Variants in VPS4B observed in about 807,000 individuals in gnomAD.
The protein encoded by VPS4B is vacuolar protein sorting 4 homolog B, also known as vacuolar protein sorting-associated protein 4B.
A neutral mutation model predicts 56.1 loss-of-function variants in VPS4B; 23 were observed. The ratio of observed to expected loss-of-function variants is 0.41; its 90% CI spans 0.30 to 0.58. The LOEUF is 0.58. Among genes scored for constraint, VPS4B ranks in the 20% least tolerant of loss-of-function variants. The pLI is 0.29. For synonymous variants in VPS4B, 177 were observed against 186.0 expected (o/e 0.95, Z 0.39); for missense variants, 372 against 531.9 (o/e 0.70, Z 2.96).
intron 2 of VPS4B, among the ~76,000 whole-genome samples, chr18:63,410,897 T>A (rs1916025973): frequency 1.3e-5 from 2 of 152,240 alleles, no homozygotes; most frequent in Admixed American, 1.3e-4. Context: ...ATATATTCTG[T>A]GTAATACCAA....
chr18:63,393,016 G>A (rs557768370), intron 10 of VPS4B, among the ~76,000 whole-genome samples: 34 of 152,270 alleles, frequency 2.2e-4, no homozygotes, highest in Admixed American at 7.2e-4. Flanking sequence ...AAAGTGCTGG[G>A]ATTACAGGTG....
intron 10 of VPS4B, among the ~76,000 whole-genome samples, chr18:63,392,577 T>A (rs1315682460): frequency 2.0e-5 from 3 of 151,468 alleles, no homozygotes; most frequent in Non-Finnish European, 4.4e-5. Context: ...GCCTCCCAAG[T>A]AGCTGGGACT....
At chr18:63,412,885 T>C (rs1916076509) in intron 1 of VPS4B, among the ~76,000 whole-genome samples, 1 of 151,902 alleles carries the variant, frequency 6.6e-6, no homozygotes, top group Non-Finnish European at 1.5e-5. Flanking sequence ...AGTTCTTAGA[T>C]TTGACATCAA....
At chr18:63,404,177 CA>C (rs1306007347) in intron 4 of VPS4B, among the ~76,000 whole-genome samples, 2 of 151,960 alleles carry the variant, frequency 1.3e-5, no homozygotes, top group African/African-American at 2.4e-5. Context: ...CCAAACGTTC[CA>C]TAAGGTGGTT....
Position 63,414,112 on chromosome 18 carries a change from T to C in VPS4B, c.28-2534A>G, listed in dbSNP as rs542895314. Among the ~76,000 whole-genome samples, 191 of 149,164 alleles carry C rather than the reference T, an allele frequency of 1.3e-3. 1 individual carries two copies. The highest frequency in any genetic ancestry group is 3.8e-3 in the Middle Eastern group (1 of 266). Reference sequence around the variant, plus strand: ...GGTGACAGAGTGAGGCCAAGCACAGTGGCTCACGCCTGTAATCCCAGCAGT... The same window carrying C: ...GGTGACAGAGTGAGGCCAAGCACAGCGGCTCACGCCTGTAATCCCAGCAGT... On this transcript the variant is annotated intron_variant, in intron 1 of 10. Transcript: ENST00000238497.
At chr18:63,420,636 C>T (rs1001794938) in intron 1 of VPS4B, among the ~76,000 whole-genome samples, 3 of 152,174 alleles carry the variant, frequency 2.0e-5, no homozygotes, top group Non-Finnish European at 4.4e-5. Flanking sequence ...AAATGACCAA[C>T]GCTTTTTCCA....
chr18:63,396,719 A>T, intron 9 of VPS4B: 1 of 263,996 alleles, frequency 3.8e-6, no homozygotes, highest in Non-Finnish European at 7.3e-6. Flanking sequence ...ATACAGGAAA[A>T]GGGCCAGGCG....
At chr18:63,402,242 A>T (rs1915828048) in intron 5 of VPS4B, among the ~76,000 whole-genome samples, 1 of 148,274 alleles carries the variant, frequency 6.7e-6, no homozygotes, top group African/African-American at 2.5e-5. Context: ...TACTTTAAAT[A>T]ATTTTTTAAT....
At chr18:63,409,478 T>C (rs1915986416) in intron 3 of VPS4B, among the ~76,000 whole-genome samples, 1 of 152,206 alleles carries the variant, frequency 6.6e-6, no homozygotes, top group Admixed American at 6.5e-5. Flanking sequence ...GCAGGCCAGA[T>C]AACTCCATCC....
At chr18:63,407,249 T>C (rs1157678914) in intron 4 of VPS4B, 183 bp downstream of exon 4, 6 of 566,214 alleles carry the variant, frequency 1.1e-5, no homozygotes, top group Non-Finnish European at 1.8e-5. Flanking sequence ...GACCAAACCA[T>C]GATCCTAGAG....
intron 4 of VPS4B, among the ~76,000 whole-genome samples, chr18:63,405,199 A>G (rs1479387700): frequency 6.6e-6 from 1 of 152,200 alleles, no homozygotes; most frequent in African/African-American, 2.4e-5. Context: ...GGGATTATGA[A>G]AAATGCTAAC....
intron 3 of VPS4B, among the ~76,000 whole-genome samples, chr18:63,409,525 C>T (rs1385019726): frequency 6.6e-6 from 1 of 152,184 alleles, no homozygotes; most frequent in African/African-American, 2.4e-5. Context: ...TTACCTGGAA[C>T]TACTGGCATC....
Position 63,417,844 on chromosome 18 carries a change from A to C in VPS4B, c.27+4389T>G, listed in dbSNP as rs369324018. On this transcript the variant is annotated intron_variant, in intron 1 of 10. Transcript: ENST00000238497. ...AGTCAGGATCCAGTTATCCATACGGAAGTATAAAGGTTGGGAACATGTGGA... is the reference window on the plus strand; with the variant it reads ...AGTCAGGATCCAGTTATCCATACGGCAGTATAAAGGTTGGGAACATGTGGA... Among the ~76,000 whole-genome samples the C allele has an allele frequency of 1.5e-4, 23 of 152,170 alleles. No individual in the cohort carries two copies. The East Asian group carries it at 4.2e-3, about 28-fold the overall frequency.
intron 1 of VPS4B, among the ~76,000 whole-genome samples, chr18:63,417,773 G>C (rs1015325959): frequency 6.6e-6 from 1 of 152,200 alleles, no homozygotes; most frequent in African/African-American, 2.4e-5. Flanking sequence ...CCAGAGTCTA[G>C]CACAGTGGCT....
In VPS4B at chr18:63,410,369, T is replaced by G. The variant is rs572345457; in HGVS notation, c.217A>C (p.Lys73Gln). Residue 73 changes from lysine (K) to glutamine (Q), a missense_variant, in exon 3 of 11, where the codon AAG (lysine) becomes CAG (glutamine). Lys to Gln is a moderately conservative substitution (Grantham distance 53, BLOSUM62 1). Coordinates refer to ENST00000238497, the MANE Select transcript of VPS4B (RefSeq NM_004869.4). ...TEYLDRAEKL[K>Q]EYLKNKEKKA... The stretch of plus-strand genomic sequence containing the variant: ...TTCTCTTTATTTTTCAGGTACTCCT[T>G]TAGTTTTTCTGCTCTATCAAGATAT... 72 of 1,613,976 alleles carry G rather than the reference T, an allele frequency of 4.5e-5. No homozygotes were observed. Among genetic ancestry groups the G allele is most frequent in the Non-Finnish European group, 6.0e-5 (71 of 1,180,044 alleles).
At chr18:63,393,627 A>G in intron 9 of VPS4B, 78 bp from the exon 10 acceptor site, 1 of 1,296,452 alleles carries the variant, frequency 7.7e-7, no homozygotes. Flanking sequence ...CAGGAAAGTT[A>G]AAATGTATAA....
chr18:63,398,204 C>CACATATATAT (rs1298374245), intron 8 of VPS4B, among the ~76,000 whole-genome samples: 1 of 112,446 alleles, frequency 8.9e-6, no homozygotes, highest in African/African-American at 3.3e-5. Flanking sequence ...CACACACACA[C>CACATATATAT]ATATATATAT....
intron 1 of VPS4B, among the ~76,000 whole-genome samples, chr18:63,419,286 T>C (rs903042285): frequency 9.2e-5 from 14 of 152,180 alleles, no homozygotes; most frequent in African/African-American, 2.9e-4. Flanking sequence ...TGTTGGTGCA[T>C]GCCTGTAATC....
At chr18:63,402,293 C>A (rs964622108) in intron 5 of VPS4B, among the ~76,000 whole-genome samples, 1 of 151,928 alleles carries the variant, frequency 6.6e-6, no homozygotes, top group Non-Finnish European at 1.5e-5. Context: ...TATAAAGGCA[C>A]AAAGCAGTCT....
Sources: allele counts gnomAD v4.1 joint callset (sites outside exome capture counted in the v4.1 genomes callset), GRCh38; gene constraint gnomAD v4.1.1; transcripts MANE v1.5; gene names NCBI Gene and HGNC (gene_info 2026-07-23, HGNC 2026-07-21).